Variants in SYT16 observed in about 807,000 individuals in gnomAD.
SYT16 encodes synaptotagmin-16.
A neutral mutation model predicts 61.4 loss-of-function variants in SYT16; 42 were observed. That is an observed-to-expected ratio of 0.68 (90% CI 0.53 to 0.89). The LOEUF (loss-of-function observed/expected upper bound fraction) is 0.89. Among genes scored for constraint, SYT16 ranks in the 40% least tolerant of loss-of-function variants. The pLI is 0.00. For synonymous variants in SYT16, 314 were observed against 302.3 expected (o/e 1.04, Z -0.40); for missense variants, 804 against 807.3 (o/e 1.00, Z 0.05).
intron 3 of SYT16, among the ~76,000 whole-genome samples, chr14:62,063,918 T>C (rs8005664): frequency 0.48 from 72,515 of 151,994 alleles, 20,295 homozygotes; most frequent in African/African-American, 0.79. Flanking sequence ...GAGAGTCAGC[T>C]TTCTCTTTGG....
chr14:62,026,484 A>G (rs963124150), intron 3 of SYT16, among the ~76,000 whole-genome samples: 10 of 152,316 alleles, frequency 6.6e-5, no homozygotes, highest in African/African-American at 1.9e-4. Flanking sequence ...TGAGCTCACT[A>G]TGTGAAGCCT....
At chr14:61,961,123 A>G (rs1043999588) in intron 1 of SYT16, among the ~76,000 whole-genome samples, 1 of 152,196 alleles carries the variant, frequency 6.6e-6, no homozygotes, top group Non-Finnish European at 1.5e-5. Flanking sequence ...TTAACTCAAG[A>G]TAGATTAAAG....
At chr14:61,989,646 A>G (rs991071911) in intron 2 of SYT16, among the ~76,000 whole-genome samples, 31 of 152,290 alleles carry the variant, frequency 2.0e-4, no homozygotes, top group African/African-American at 6.7e-4. Flanking sequence ...TTTTCCTGAG[A>G]TCTTACTAGG....
intron 3 of SYT16, among the ~76,000 whole-genome samples, chr14:62,058,648 G>A (rs531028487): frequency 6.6e-6 from 1 of 152,260 alleles, no homozygotes; most frequent in East Asian, 1.9e-4. Flanking sequence ...ACAGGCATGA[G>A]CCACCATGCC....
intron 2 of SYT16, among the ~76,000 whole-genome samples, chr14:61,981,518 C>T (rs958298486): frequency 6.6e-6 from 1 of 152,158 alleles, no homozygotes; most frequent in South Asian, 2.1e-4. Context: ...TATCACACAG[C>T]TTCAACAATT....
intron 1 of SYT16, among the ~76,000 whole-genome samples, chr14:61,969,543 C>A (rs2051457174): frequency 6.6e-6 from 1 of 152,206 alleles, no homozygotes. Context: ...GTCAAAACTA[C>A]AATTTGCATT....
chr14:61,907,395 C>A (rs922013994), intron 1 of SYT16, among the ~76,000 whole-genome samples: 1 of 152,124 alleles, frequency 6.6e-6, no homozygotes, highest in Non-Finnish European at 1.5e-5. Context: ...AACAAATTAC[C>A]CCACAAGTTG....
At chr14:61,966,086 T>A (rs529899337) in intron 1 of SYT16, among the ~76,000 whole-genome samples, 1 of 152,264 alleles carries the variant, frequency 6.6e-6, no homozygotes, top group South Asian at 2.1e-4. Context: ...ATATTGGGAC[T>A]TACTTAAAAA....
chr14:61,833,336 A>G (rs2046003758), intron 1 of SYT16, among the ~76,000 whole-genome samples: 1 of 141,976 alleles, frequency 7.0e-6, no homozygotes, highest in South Asian at 2.2e-4. Context: ...CTTGTTGCCC[A>G]GACTGGAGTG....
chr14:61,982,365 A>G (rs944877053), intron 2 of SYT16, among the ~76,000 whole-genome samples: 2 of 152,152 alleles, frequency 1.3e-5, no homozygotes, highest in Admixed American at 1.3e-4. Context: ...GTTCCATGTG[A>G]CTGGGGAGGC....
intron 1 of SYT16, among the ~76,000 whole-genome samples, chr14:61,813,364 A>G (rs897292743): frequency 6.6e-6 from 1 of 152,230 alleles, no homozygotes; most frequent in Admixed American, 6.5e-5. Flanking sequence ...GAAACTCTGA[A>G]TGGAAGCGTT....
At chr14:62,091,880 T>G (rs2057088063) in intron 7 of SYT16, among the ~76,000 whole-genome samples, 1 of 152,132 alleles carries the variant, frequency 6.6e-6, no homozygotes, top group African/African-American at 2.4e-5. Context: ...TCAAAAATTT[T>G]GTGCATCAAA....
intron 1 of SYT16, among the ~76,000 whole-genome samples, chr14:61,950,549 C>A (rs560416145): frequency 3.3e-4 from 50 of 152,308 alleles, no homozygotes; most frequent in African/African-American, 1.2e-3. Context: ...GTGATGTGGG[C>A]ACGCAAGTGG....
intron 3 of SYT16, among the ~76,000 whole-genome samples, chr14:62,068,274 A>G (rs1004282166): frequency 6.6e-6 from 1 of 152,228 alleles, no homozygotes; most frequent in Non-Finnish European, 1.5e-5. Context: ...TTGCCCTAAC[A>G]TGAATGGAAC....
intron 7 of SYT16, among the ~76,000 whole-genome samples, chr14:62,089,505 G>C (rs936193569): frequency 1.8e-5 from 1 of 54,998 alleles, no homozygotes; most frequent in Non-Finnish European, 3.4e-5. Flanking sequence ...ATAAAGTGTT[G>C]TGATTTTTTA....
chr14:62,078,172 A>AAACAC (rs1555382591), intron 5 of SYT16, among the ~76,000 whole-genome samples: 1 of 128,786 alleles, frequency 7.8e-6, no homozygotes, highest in Admixed American at 7.8e-5. Flanking sequence ...TATATATATA[A>AAACAC]ACACACACAC....
chr14:61,931,471 T>G (rs1298041775), intron 1 of SYT16, among the ~76,000 whole-genome samples: 1 of 152,212 alleles, frequency 6.6e-6, no homozygotes, highest in Non-Finnish European at 1.5e-5. Flanking sequence ...CAGAGATGAT[T>G]ATTTTTATTA....
chr14:61,928,058 T>C (rs1351588157), intron 1 of SYT16, among the ~76,000 whole-genome samples: 4 of 152,238 alleles, frequency 2.6e-5, no homozygotes, highest in Non-Finnish European at 5.9e-5. Flanking sequence ...GTACAAGAAC[T>C]GTAATAGGTG....
intron 2 of SYT16, among the ~76,000 whole-genome samples, chr14:61,987,384 C>T (rs935674824): frequency 2.3e-4 from 35 of 152,200 alleles, no homozygotes; most frequent in Non-Finnish European, 4.4e-4. Context: ...CACTGAATGA[C>T]GTGATCAAAT....
Sources: allele counts gnomAD v4.1 joint callset (sites outside exome capture counted in the v4.1 genomes callset), GRCh38; gene constraint gnomAD v4.1.1; transcripts MANE v1.5; gene names NCBI Gene and HGNC (gene_info 2026-07-23, HGNC 2026-07-21).